NUP155: variants seen among roughly 807,000 people sequenced by gnomAD.
NUP155 encodes the protein nuclear pore complex protein Nup155.
In NUP155, 71 loss-of-function variants were observed where a neutral mutation model predicts 180.4. The observed-to-expected ratio is 0.39, with a 90% CI of 0.33 to 0.48. NUP155 has a LOEUF of 0.48. NUP155 is among the 20% of genes least tolerant of loss of function. The pLI, the probability that NUP155 is intolerant of heterozygous loss-of-function variation, is 0.91. For missense variants in NUP155, 1,553 were observed against 1,648.9 expected, an observed-to-expected ratio of 0.94 and a Z score of 1.01; for synonymous variants, 582 against 559.5, an observed-to-expected ratio of 1.04 and a Z score of -0.57.
intron 29 of NUP155, 37 bp downstream of exon 29, chr5:37,302,742 C>G (rs781604351): frequency 6.2e-7 from 1 of 1,609,898 alleles, no homozygotes; most frequent in Admixed American, 1.7e-5. Context: ...GTGGCTAGTA[C>G]TCAATGTGGA....
intron 21 of NUP155, among the ~76,000 whole-genome samples, chr5:37,314,674 A>G (rs1452912312): frequency 1.3e-5 from 2 of 151,964 alleles, no homozygotes; most frequent in Admixed American, 6.6e-5. Context: ...GGTCTCTACT[A>G]AAAACATAAA....
At chr5:37,322,706 CAA>C (rs1172972564) in intron 20 of NUP155, among the ~76,000 whole-genome samples, 15 of 101,934 alleles carry the variant, frequency 1.5e-4, no homozygotes, top group Admixed American at 3.1e-4. Flanking sequence ...GACTCTGTCT[CAA>C]AAAAAAAAAA....
chr5:37,298,786 C>A (rs532520462), intron 32 of NUP155, 82 bp downstream of exon 32: 4 of 790,762 alleles, frequency 5.1e-6, no homozygotes, highest in Admixed American at 3.8e-5. Flanking sequence ...TTATTTTACT[C>A]GAAAGATCGT....
chr5:37,304,961 G>T, intron 26 of NUP155, 96 bp downstream of exon 26: 1 of 1,533,164 alleles, frequency 6.5e-7, no homozygotes, highest in South Asian at 1.1e-5. Flanking sequence ...TAACTTCTAA[G>T]AACTACCACC....
intron 1 of NUP155, among the ~76,000 whole-genome samples, chr5:37,370,362 C>G (rs1747881372): frequency 6.6e-6 from 1 of 152,118 alleles, no homozygotes; most frequent in Admixed American, 6.6e-5. Flanking sequence ...AAGAGGGAAC[C>G]GCTCCGTCTC....
intron 29 of NUP155, among the ~76,000 whole-genome samples, chr5:37,302,438 A>G (rs1742915460): frequency 1.3e-5 from 2 of 152,114 alleles, no homozygotes; most frequent in African/African-American, 4.8e-5. Flanking sequence ...GTTTCGCCAT[A>G]TTGGCCAGGC....
chr5:37,349,161 T>C lies in NUP155; in HGVS notation c.903+11A>G. The C allele has an allele frequency of 1.6e-6, 1 of 619,876 alleles. No homozygotes were observed. Among genetic ancestry groups the C allele is most frequent in the Middle Eastern group, 4.3e-4 (1 of 2,338 alleles). The allele number at this position is 619,876 out of a possible 1,614,324, so 38.4% of individuals were successfully genotyped here. A position where few individuals can be genotyped will look rare whatever the true frequency, so the allele number is the denominator to read the frequency against. The stretch of plus-strand genomic sequence containing the variant: ...TTTGACTCTTAATGGTATAATAATA[T>C]TAATACTAACCTGTATTACTCCTTT... On this transcript the variant is annotated intron_variant, in intron 8 of 34. Coordinates refer to ENST00000231498, the MANE Select transcript of NUP155 (RefSeq NM_153485.3).
chr5:37,311,996 G>C (rs1743559745), intron 22 of NUP155, among the ~76,000 whole-genome samples: 1 of 152,092 alleles, frequency 6.6e-6, no homozygotes, highest in Non-Finnish European at 1.5e-5. Context: ...ACTCCAGCCT[G>C]GGTGACAGAA....
chr5:37,365,429 T>C (rs1389235249), intron 1 of NUP155, among the ~76,000 whole-genome samples: 5 of 151,356 alleles, frequency 3.3e-5, no homozygotes, highest in Non-Finnish European at 7.4e-5. Flanking sequence ...TATACACCGT[T>C]GGGCGCGGTA....
Position 37,310,476 on chromosome 5 carries a change from T to A in NUP155, c.2628+76A>T, listed in dbSNP as rs550625048. The A allele has an allele frequency of 1.8e-3, 2,191 of 1,218,056 alleles. 5 individuals carry two copies. Among genetic ancestry groups the A allele is most frequent in the Admixed American group, 3.1e-3 (174 of 56,874 alleles). The allele number at this position is 1,218,056 out of a possible 1,614,324, so 75.5% of individuals were successfully genotyped here. Reference sequence around the variant, plus strand: ...AGATCTAACTGACTGAGGTCCTATATTAAGTGAAACAAGATGGTTCATCAT... The same window carrying A: ...AGATCTAACTGACTGAGGTCCTATAATAAGTGAAACAAGATGGTTCATCAT... On this transcript the variant is annotated intron_variant, in intron 23 of 34. Transcript: ENST00000231498.
Position 37,290,671 on chromosome 5 carries a change from G to C in NUP155, c.*1229C>G, listed in dbSNP as rs143443033. The C allele has an allele frequency of 3.3e-5, 5 of 152,216 alleles. No homozygotes were observed. Among genetic ancestry groups the C allele is most frequent in the Admixed American group, 1.3e-4 (2 of 15,276 alleles). 9.4% of individuals were successfully genotyped at this position (152,216 alleles called of 1,614,324 possible). A position where few individuals can be genotyped will look rare whatever the true frequency, so the allele number is the denominator to read the frequency against. ...TGCCTTGGGCAAAATTTGTGTGTGT[G>C]GTTATTCACAGAGGAGGAGCCAGAT... is the stretch of plus-strand genomic sequence containing the variant. On this transcript the variant is annotated 3_prime_UTR_variant, in exon 35 of 35. Coordinates refer to ENST00000231498, the MANE Select transcript of NUP155 (RefSeq NM_153485.3).
At chr5:37,349,893 CAT>C (rs1561805997) in intron 7 of NUP155, among the ~76,000 whole-genome samples, 2 of 152,166 alleles carry the variant, frequency 1.3e-5, no homozygotes, top group African/African-American at 4.8e-5. Flanking sequence ...CATACATACA[CAT>C]ATTTTGGTTT....
intron 32 of NUP155, 87 bp from the exon 33 acceptor site, chr5:37,294,552 G>T: frequency 7.5e-7 from 1 of 1,325,268 alleles, no homozygotes; most frequent in Non-Finnish European, 1.1e-6. Context: ...ATAGTTTCTA[G>T]GGGGATATCT....
intron 15 of NUP155, among the ~76,000 whole-genome samples, chr5:37,329,639 T>C (rs1744828417): frequency 6.6e-6 from 1 of 152,224 alleles, no homozygotes; most frequent in Non-Finnish European, 1.5e-5. Flanking sequence ...AATTCTTAAA[T>C]ATTTTCTAAA....
chr5:37,326,586 A>G (rs147957870), intron 18 of NUP155, among the ~76,000 whole-genome samples: 19 of 152,326 alleles, frequency 1.2e-4, no homozygotes, highest in African/African-American at 3.8e-4. Context: ...CACCAACTAA[A>G]TAATCTTTGG....
intron 32 of NUP155, among the ~76,000 whole-genome samples, chr5:37,297,975 C>T (rs1292651853): frequency 6.7e-6 from 1 of 149,922 alleles, no homozygotes; most frequent in Non-Finnish European, 1.5e-5. Flanking sequence ...CAGTGGCGAA[C>T]GCCTTTAATC....
At chr5:37,333,030 T>G (rs1737446910) in intron 13 of NUP155, among the ~76,000 whole-genome samples, 1 of 152,074 alleles carries the variant, frequency 6.6e-6, no homozygotes, top group African/African-American at 2.4e-5. Context: ...CTTGTGTGCC[T>G]GGGAAAAATC....
At chr5:37,335,122 C>T (rs900759858) in intron 12 of NUP155, among the ~76,000 whole-genome samples, 1 of 147,794 alleles carries the variant, frequency 6.8e-6, no homozygotes, top group African/African-American at 2.5e-5. Context: ...TGTGCCACTG[C>T]ACTCCAGCCT....
At chr5:37,323,902 A>G in intron 20 of NUP155, 90 bp downstream of exon 20, 2 of 893,946 alleles carry the variant, frequency 2.2e-6, no homozygotes, top group South Asian at 2.8e-5. Flanking sequence ...TGCACACTTT[A>G]AAAGGACCAA....
Sources: gnomAD v4.1 joint callset for allele counts (sites outside exome capture counted in the v4.1 genomes callset) on GRCh38, gnomAD v4.1.1 for gene constraint, MANE v1.5 for transcripts, NCBI Gene and HGNC (gene_info 2026-07-23, HGNC 2026-07-21) for gene names.